Variants in SGCZ observed in about 807,000 individuals in gnomAD.
The protein encoded by SGCZ is sarcoglycan zeta, also known as zeta-sarcoglycan.
Under a neutral mutation model 41.3 loss-of-function variants are expected in SGCZ, and 40 were observed. The ratio of observed to expected loss-of-function variants is 0.97; its 90% CI spans 0.75 to 1.26. The LOEUF is 1.26. SGCZ is among the 50% of genes most tolerant of loss of function. The probability of loss-of-function intolerance (pLI) is 0.00; values close to 1 mark genes in which losing one functional copy is unlikely to be tolerated. For synonymous variants in SGCZ, 206 were observed against 137.5 expected (o/e 1.50, Z -3.49); for missense variants, 552 against 369.8 (o/e 1.49, Z -4.04).
At chr8:15,192,153 T>G (rs1800563540) in intron 1 of SGCZ, among the ~76,000 whole-genome samples, 3 of 152,110 alleles carry the variant, frequency 2.0e-5, no homozygotes, top group East Asian at 3.8e-4. Flanking sequence ...TATTGGCTTT[T>G]GTGCTATTTC....
intron 1 of SGCZ, among the ~76,000 whole-genome samples, chr8:14,692,423 T>C (rs1808828462): frequency 6.6e-6 from 1 of 152,090 alleles, no homozygotes; most frequent in South Asian, 2.1e-4. Flanking sequence ...TATACACATA[T>C]CCACCAATAA....
intron 1 of SGCZ, among the ~76,000 whole-genome samples, chr8:14,604,078 T>C (rs979701536): frequency 6.6e-6 from 1 of 152,108 alleles, no homozygotes; most frequent in African/African-American, 2.4e-5. Context: ...AAATTATCTA[T>C]TGTGACTGTT....
chr8:15,167,803 C>T (rs1165929227), intron 1 of SGCZ, among the ~76,000 whole-genome samples: 2 of 152,180 alleles, frequency 1.3e-5, no homozygotes, highest in Non-Finnish European at 2.9e-5. Flanking sequence ...CTGCTTGTTC[C>T]TGTGAACCAA....
chr8:14,915,483 G>A (rs1799406224), intron 1 of SGCZ, among the ~76,000 whole-genome samples: 1 of 152,078 alleles, frequency 6.6e-6, no homozygotes, highest in African/African-American at 2.4e-5. Flanking sequence ...CAGCTTGCAC[G>A]GGTGAATGCC....
chr8:14,215,898 A>C (rs934909739), intron 4 of SGCZ, among the ~76,000 whole-genome samples: 13 of 152,246 alleles, frequency 8.5e-5, no homozygotes, highest in African/African-American at 3.1e-4. Context: ...ACACTGGACG[A>C]AAGACAGATG....
chr8:14,291,231 T>G (rs62497761), intron 3 of SGCZ, among the ~76,000 whole-genome samples: 1 of 152,024 alleles, frequency 6.6e-6, no homozygotes, highest in African/African-American at 2.4e-5. Flanking sequence ...TAGGTATCTA[T>G]TGCCTAGTAG....
At chr8:14,412,204 C>T (rs141000388) in intron 2 of SGCZ, among the ~76,000 whole-genome samples, 2 of 151,976 alleles carry the variant, frequency 1.3e-5, no homozygotes, top group Admixed American at 1.3e-4. Context: ...GGAATGCAAA[C>T]CTTAACTCTA....
intron 2 of SGCZ, among the ~76,000 whole-genome samples, chr8:14,446,573 G>A (rs1200223189): frequency 6.6e-6 from 1 of 152,086 alleles, no homozygotes; most frequent in Non-Finnish European, 1.5e-5. Flanking sequence ...AATTTAGAAA[G>A]GCATTTTACT....
At chr8:14,202,211 C>A (rs1391333682) in intron 4 of SGCZ, among the ~76,000 whole-genome samples, 2 of 152,148 alleles carry the variant, frequency 1.3e-5, no homozygotes, top group Admixed American at 6.5e-5. Flanking sequence ...ACTCATCCAG[C>A]CATTGCTGAC....
At chr8:14,172,796 G>A (rs4831541) in intron 4 of SGCZ, among the ~76,000 whole-genome samples, 4 of 152,004 alleles carry the variant, frequency 2.6e-5, no homozygotes, top group South Asian at 2.1e-4. Context: ...GCAATGAAAC[G>A]GAGAAAGGGA....
intron 3 of SGCZ, among the ~76,000 whole-genome samples, chr8:14,257,571 G>C (rs1172336571): frequency 6.6e-6 from 1 of 151,666 alleles, no homozygotes; most frequent in Non-Finnish European, 1.5e-5. Flanking sequence ...CCATGTTGGT[G>C]TGCTGCACCC....
intron 2 of SGCZ, among the ~76,000 whole-genome samples, chr8:14,528,302 A>G (rs1391446500): frequency 6.6e-6 from 1 of 152,134 alleles, no homozygotes; most frequent in Non-Finnish European, 1.5e-5. Flanking sequence ...ACCATCTGGG[A>G]TATGAGAAAG....
chr8:14,409,319 T>C (rs10441659), intron 2 of SGCZ, among the ~76,000 whole-genome samples: 3,331 of 152,202 alleles, frequency 0.022, 91 homozygotes, highest in African/African-American at 0.06. Flanking sequence ...GGGCCTCTTA[T>C]TCTCCCTCAA....
intron 2 of SGCZ, among the ~76,000 whole-genome samples, chr8:14,544,389 T>A (rs1803561075): frequency 6.6e-6 from 1 of 152,082 alleles, no homozygotes; most frequent in South Asian, 2.1e-4. Flanking sequence ...GCGATTTTTA[T>A]GGAACAAGGG....
intron 2 of SGCZ, among the ~76,000 whole-genome samples, chr8:14,338,762 A>G (rs775741958): frequency 5.9e-5 from 9 of 152,300 alleles, no homozygotes; most frequent in Non-Finnish European, 1.3e-4. Flanking sequence ...CCTTTACAAT[A>G]AGTTTTACAG....
intron 1 of SGCZ, among the ~76,000 whole-genome samples, chr8:15,098,517 C>T (rs1367944101): frequency 4.6e-5 from 7 of 152,124 alleles, no homozygotes; most frequent in South Asian, 4.1e-4. Context: ...AAGAATGCTT[C>T]GTATTTACAA....
At chr8:14,632,585 TA>T (rs1294834906) in intron 1 of SGCZ, among the ~76,000 whole-genome samples, 5 of 152,122 alleles carry the variant, frequency 3.3e-5, no homozygotes, top group African/African-American at 4.8e-5. Context: ...AGAATTCATC[TA>T]AAAACAATTC....
chr8:14,090,336 G>C lies in SGCZ; in HGVS notation c.*107C>G. ...TGCTCACACTGGAAGTTGCTCTGTG[G>C]ACCATTCGAAGAAGCTCTGGACTGA... is the stretch of plus-strand genomic sequence containing the variant. On this transcript the variant is annotated 3_prime_UTR_variant, in exon 8 of 8. Coordinates refer to ENST00000382080, the MANE Select transcript of SGCZ (RefSeq NM_139167.4). 1 of 1,202,848 alleles carries C rather than the reference G, an allele frequency of 8.3e-7. No homozygotes were observed. Among genetic ancestry groups the C allele is most frequent in the Non-Finnish European group, 1.1e-6 (1 of 872,948 alleles). 74.5% of individuals were successfully genotyped at this position (1,202,848 alleles called of 1,614,324 possible).
At chr8:14,299,763 A>G (rs1801126079) in intron 3 of SGCZ, among the ~76,000 whole-genome samples, 1 of 152,000 alleles carries the variant, frequency 6.6e-6, no homozygotes, top group Non-Finnish European at 1.5e-5. Context: ...TACAAAGTTA[A>G]AACTATGCCT....
Sources: gnomAD v4.1 joint callset for allele counts (sites outside exome capture counted in the v4.1 genomes callset) on GRCh38, gnomAD v4.1.1 for gene constraint, MANE v1.5 for transcripts, NCBI Gene and HGNC (gene_info 2026-07-23, HGNC 2026-07-21) for gene names.